GPR89A: variants seen among roughly 807,000 people sequenced by gnomAD.
The protein encoded by GPR89A is G protein-coupled receptor 89A.
GPR89A carries 16 observed loss-of-function variants against 52.0 expected under a neutral mutation model. That is an observed-to-expected ratio of 0.31 (90% CI 0.21 to 0.47). GPR89A has a LOEUF of 0.47. Among genes scored for constraint, GPR89A ranks in the 20% least tolerant of loss-of-function variants. The pLI is 1.00. For missense variants in GPR89A, 135 were observed against 449.4 expected, an observed-to-expected ratio of 0.30 and a Z score of 6.33; for synonymous variants, 55 against 150.9, an observed-to-expected ratio of 0.36 and a Z score of 4.66.
intron 1 of GPR89A, among the ~76,000 whole-genome samples, chr1:145,613,896 T>C: frequency 1.3e-5 from 2 of 152,112 alleles, no homozygotes; most frequent in East Asian, 3.9e-4. Context: ...AAGTGGCCCT[T>C]CCACTTCAGC....
At chr1:145,612,542 T>C (rs1376568198) in intron 1 of GPR89A, among the ~76,000 whole-genome samples, 2 of 152,184 alleles carry the variant, frequency 1.3e-5, no homozygotes, top group Admixed American at 6.5e-5. Context: ...TACTATAAAT[T>C]GATTAACTTC....
At chr1:145,667,717 AGTCT>A (rs1359558452) in intron 12 of GPR89A, among the ~76,000 whole-genome samples, 1 of 152,146 alleles carries the variant, frequency 6.6e-6, no homozygotes, top group Non-Finnish European at 1.5e-5. Context: ...CTAACATTTA[AGTCT>A]TTAATCCATC....
chr1:145,608,089 T>C lies in GPR89A; in HGVS notation c.-45T>C. 6.2e-7 allele frequency: 1 copy of C among 1,612,660 alleles called. No individual in the cohort carries two copies. The highest frequency in any genetic ancestry group is 8.5e-7 in the Non-Finnish European group (1 of 1,179,026). On this transcript the variant is annotated 5_prime_UTR_variant, in exon 1 of 14. Transcript: ENST00000313835. ...CCTGTGGCCCCAGCGTGCTGTGGCCTCGGGGAGTGGGAAGTGGAGGCAGGA... is the reference window on the plus strand; with the variant it reads ...CCTGTGGCCCCAGCGTGCTGTGGCCCCGGGGAGTGGGAAGTGGAGGCAGGA...
chr1:145,662,905 T>A (rs1209518515), intron 10 of GPR89A, among the ~76,000 whole-genome samples: 1 of 150,942 alleles, frequency 6.6e-6, no homozygotes, highest in African/African-American at 2.4e-5. Context: ...ATTATTCCAT[T>A]TGATATCGTT....
At chr1:145,629,324 G>A (rs1428725701) in intron 5 of GPR89A, among the ~76,000 whole-genome samples, 14 of 152,144 alleles carry the variant, frequency 9.2e-5, no homozygotes, top group African/African-American at 3.1e-4. Flanking sequence ...ACAAAGATTG[G>A]AAAATGTTGA....
intron 11 of GPR89A, among the ~76,000 whole-genome samples, chr1:145,663,897 A>G (rs1368448358): frequency 6.6e-6 from 1 of 151,454 alleles, no homozygotes; most frequent in Non-Finnish European, 1.5e-5. Flanking sequence ...ATCTTTATCT[A>G]TTAATGTGGA....
intron 10 of GPR89A, among the ~76,000 whole-genome samples, chr1:145,648,890 C>T (rs1553693099): frequency 6.8e-6 from 1 of 147,652 alleles, no homozygotes; most frequent in East Asian, 2.0e-4. Context: ...GCAACCCCTC[C>T]GCCTTCCAGA....
intron 7 of GPR89A, among the ~76,000 whole-genome samples, chr1:145,639,231 T>C (rs1195215129): frequency 1.3e-5 from 2 of 151,868 alleles, no homozygotes; most frequent in East Asian, 1.9e-4. Context: ...TTTAATGTTA[T>C]TCATTTCAAA....
At chr1:145,620,731 G>A (rs1188364266) in intron 3 of GPR89A, among the ~76,000 whole-genome samples, 1 of 151,330 alleles carries the variant, frequency 6.6e-6, no homozygotes, top group African/African-American at 2.4e-5. Context: ...GAGAATCTTG[G>A]CCAGAATATT....
intron 12 of GPR89A, among the ~76,000 whole-genome samples, chr1:145,668,850 C>A (rs1369069788): frequency 6.6e-6 from 1 of 152,122 alleles, no homozygotes; most frequent in Non-Finnish European, 1.5e-5. Flanking sequence ...GTCTTTGGTT[C>A]TGTTTATATG....
chr1:145,612,021 C>G (rs1366137250), intron 1 of GPR89A, among the ~76,000 whole-genome samples: 1 of 152,044 alleles, frequency 6.6e-6, no homozygotes, highest in Non-Finnish European at 1.5e-5. Context: ...GGCCTGAAGG[C>G]TACTATAGAA....
At position 145,646,359 on chromosome 1, in the gene GPR89A, G is replaced by A. The variant is rs1399235058; in HGVS notation, c.816+87G>A. ...AAATGGCTTTTTAGATTTCTCTGTG[G>A]CCAAGCAAGAGATACCTCACAGCTT... On this transcript the variant is annotated intron_variant, in intron 9 of 13. Transcript: ENST00000313835. The A allele has an allele frequency of 9.6e-6, 10 of 1,045,192 alleles. No homozygotes were observed. The Admixed American group carries it at 2.3e-4, about 24-fold the overall frequency. The allele number at this position is 1,045,192 out of a possible 1,614,324, so 64.7% of individuals were successfully genotyped here.
rs1309934460 is a variant in GPR89A, at chr1:145,652,208, G to A, written c.909+4941G>A. 3.3e-4 allele frequency among the ~76,000 whole-genome samples: 48 copies of A among 146,448 alleles called. 1 individual carries two copies. The East Asian group carries it at 9.4e-3, about 29-fold the overall frequency. ...TTATTGAGAGTTTTTAGCATGAAGGGATGTTGAATTTTATCAAAGGCCTTT... is the reference window on the plus strand; with the variant it reads ...TTATTGAGAGTTTTTAGCATGAAGGAATGTTGAATTTTATCAAAGGCCTTT... On this transcript the variant is annotated intron_variant, in intron 10 of 13. Coordinates refer to ENST00000313835, the MANE Select transcript of GPR89A (RefSeq NM_001097612.2).
At chr1:145,613,835 G>C (rs1648473696) in intron 1 of GPR89A, among the ~76,000 whole-genome samples, 1 of 151,558 alleles carries the variant, frequency 6.6e-6, no homozygotes. Flanking sequence ...CACCCAGGCT[G>C]GAATGCAGTG....
At chr1:145,653,362 G>T (rs1322229878) in intron 10 of GPR89A, among the ~76,000 whole-genome samples, 1 of 85,686 alleles carries the variant, frequency 1.2e-5, no homozygotes, top group African/African-American at 5.3e-5. Context: ...CAGTTCTTTT[G>T]CATTTGCTGA....
chr1:145,626,847 G>T (rs1217566376), intron 5 of GPR89A, among the ~76,000 whole-genome samples: 1 of 150,114 alleles, frequency 6.7e-6, no homozygotes. Context: ...CTACTCCCCG[G>T]AGGCCGGAGA....
chr1:145,620,992 C>T (rs1361771436), intron 3 of GPR89A, among the ~76,000 whole-genome samples: 2 of 152,156 alleles, frequency 1.3e-5, no homozygotes, highest in Non-Finnish European at 2.9e-5. Flanking sequence ...TGGAGGATGT[C>T]CAGCTTGTTT....
chr1:145,610,292 C>G (rs587772499), intron 1 of GPR89A, among the ~76,000 whole-genome samples: 8,688 of 151,096 alleles, frequency 0.057, 339 homozygotes, highest in Non-Finnish European at 0.09. Context: ...GTCACGTATT[C>G]AATCTTGCTC....
At chr1:145,654,975 C>T (rs1397301671) in intron 10 of GPR89A, among the ~76,000 whole-genome samples, 1 of 149,876 alleles carries the variant, frequency 6.7e-6, no homozygotes, top group African/African-American at 2.5e-5. Flanking sequence ...CCATAGTTCT[C>T]AGAGGTTTTG....
Sources: allele counts gnomAD v4.1 joint callset (sites outside exome capture counted in the v4.1 genomes callset), GRCh38; gene constraint gnomAD v4.1.1; transcripts MANE v1.5; gene names NCBI Gene and HGNC (gene_info 2026-07-23, HGNC 2026-07-21).